Variants in EPHA6 observed in about 807,000 individuals in gnomAD.
EPHA6 encodes EPH receptor A6, also known as ephrin type-A receptor 6.
EPHA6 carries 50 observed loss-of-function variants against 112.0 expected under a neutral mutation model. That is an observed-to-expected ratio of 0.45 (90% CI 0.36 to 0.56). The LOEUF is 0.56. Among genes scored for constraint, EPHA6 ranks in the 20% least tolerant of loss-of-function variants. The pLI is 0.00. For synonymous variants in EPHA6, 529 were observed against 490.7 expected, an observed-to-expected ratio of 1.08 and a Z score of -1.03; for missense variants, 1,280 against 1,417.4, an observed-to-expected ratio of 0.90 and a Z score of 1.56.
In EPHA6 at chr3:96,942,558, G is replaced by A. The variant is rs192131570; in HGVS notation, c.451-44772G>A. On this transcript the variant is annotated intron_variant, in intron 2 of 17. Transcript: ENST00000389672. ...GAAAGGGAACTCCCTGACTCCTTGC[G>A]CTTCCCGAGTGAGGCAATGCCTTGC... Among the ~76,000 whole-genome samples the A allele has an allele frequency of 4.2e-3, 644 of 152,296 alleles. 3 individuals carry two copies. The highest frequency in any genetic ancestry group is 6.8e-3 in the Middle Eastern group (2 of 294).
chr3:96,945,506 C>A (rs62263701), intron 2 of EPHA6, among the ~76,000 whole-genome samples: 4,762 of 152,236 alleles, frequency 0.031, 107 homozygotes, highest in Middle Eastern at 0.065. Flanking sequence ...GTGTTACTAA[C>A]CCTACAAAAT....
At chr3:97,658,681 C>A (rs987843824) in intron 14 of EPHA6, among the ~76,000 whole-genome samples, 1 of 151,896 alleles carries the variant, frequency 6.6e-6, no homozygotes, top group African/African-American at 2.4e-5. Flanking sequence ...CCTAGAATAT[C>A]CCCCTTGTTC....
intron 3 of EPHA6, among the ~76,000 whole-genome samples, chr3:97,162,791 G>A (rs2076446632): frequency 6.6e-6 from 1 of 152,224 alleles, no homozygotes; most frequent in South Asian, 2.1e-4. Flanking sequence ...ATGACTCTCT[G>A]TTTATATGAT....
At chr3:97,561,813 T>C (rs2107165971) in intron 11 of EPHA6, among the ~76,000 whole-genome samples, 1 of 152,236 alleles carries the variant, frequency 6.6e-6, no homozygotes, top group East Asian at 1.9e-4. Flanking sequence ...AAGGACAAGC[T>C]GACTTTTCTG....
At chr3:97,711,139 A>T (rs1163652980) in intron 14 of EPHA6, among the ~76,000 whole-genome samples, 1 of 152,044 alleles carries the variant, frequency 6.6e-6, no homozygotes, top group Non-Finnish European at 1.5e-5. Context: ...TGTGATGGTG[A>T]ATTGGCTTCA....
chr3:96,931,463 T>C (rs912479152), intron 2 of EPHA6, among the ~76,000 whole-genome samples: 2 of 150,946 alleles, frequency 1.3e-5, no homozygotes, highest in African/African-American at 4.9e-5. Context: ...CAGAGCTCTG[T>C]CTGTAGAAAA....
intron 2 of EPHA6, among the ~76,000 whole-genome samples, chr3:96,954,734 G>C (rs62263704): frequency 0.035 from 4,672 of 132,944 alleles, 108 homozygotes; most frequent in Middle Eastern, 0.082. Context: ...ATACAAGTTT[G>C]TGAAAACAGG....
intron 5 of EPHA6, among the ~76,000 whole-genome samples, chr3:97,272,422 C>T (rs757726660): frequency 5.3e-5 from 8 of 152,050 alleles, no homozygotes; most frequent in Non-Finnish European, 1.2e-4. Context: ...ATTGTGTGAA[C>T]ATCATCATTT....
chr3:96,982,234 C>T (rs1576241661), intron 2 of EPHA6, among the ~76,000 whole-genome samples: 1 of 152,252 alleles, frequency 6.6e-6, no homozygotes, highest in Non-Finnish European at 1.5e-5. Flanking sequence ...GAATGTGTCC[C>T]AGAGATTCTG....
At chr3:97,226,565 C>G (rs2078362696) in intron 4 of EPHA6, 146 bp downstream of exon 4, 5 of 734,912 alleles carry the variant, frequency 6.8e-6, no homozygotes, top group Middle Eastern at 3.8e-4. Context: ...AAGCTTCTCT[C>G]TCTTCTCAGC....
At chr3:97,109,841 A>T (rs1375046423) in intron 3 of EPHA6, among the ~76,000 whole-genome samples, 1 of 152,168 alleles carries the variant, frequency 6.6e-6, no homozygotes, top group African/African-American at 2.4e-5. Flanking sequence ...CACTTATTCA[A>T]ATCACTAATG....
chr3:97,703,209 G>A (rs967345160), intron 14 of EPHA6, among the ~76,000 whole-genome samples: 14 of 152,124 alleles, frequency 9.2e-5, no homozygotes, highest in East Asian at 3.8e-4. Flanking sequence ...TGGGCCAAAC[G>A]GTTCTGGTTG....
intron 14 of EPHA6, among the ~76,000 whole-genome samples, chr3:97,700,632 A>G (rs2033325919): frequency 6.6e-6 from 1 of 152,320 alleles, no homozygotes; most frequent in South Asian, 2.1e-4. Context: ...CTAACAAAGA[A>G]CTATCTCTTT....
chr3:97,560,758 G>C (rs1328812656), intron 11 of EPHA6, among the ~76,000 whole-genome samples: 1 of 151,932 alleles, frequency 6.6e-6, no homozygotes, highest in Non-Finnish European at 1.5e-5. Context: ...CAAATACAGG[G>C]ATACTCATTT....
chr3:97,266,870 GT>G (rs761404827), intron 5 of EPHA6, among the ~76,000 whole-genome samples: 89 of 152,128 alleles, frequency 5.9e-4, no homozygotes, highest in Non-Finnish European at 9.9e-4. Flanking sequence ...TTTACTAGAA[GT>G]TTCCATGAGA....
chr3:97,174,877 C>G (rs772205783), intron 3 of EPHA6, among the ~76,000 whole-genome samples: 1 of 151,656 alleles, frequency 6.6e-6, no homozygotes, highest in African/African-American at 2.4e-5. Context: ...TGTATCTTTG[C>G]CGTGAAGAGC....
At chr3:97,539,278 G>C (rs189953848) in intron 11 of EPHA6, among the ~76,000 whole-genome samples, 2 of 151,644 alleles carry the variant, frequency 1.3e-5, no homozygotes, top group East Asian at 3.9e-4. Context: ...CTCCTGAGTA[G>C]CTGGGACTAC....
At chr3:97,267,358 T>A (rs1000108500) in intron 5 of EPHA6, among the ~76,000 whole-genome samples, 3 of 152,118 alleles carry the variant, frequency 2.0e-5, no homozygotes, top group Admixed American at 1.3e-4. Context: ...TAGAAAACTA[T>A]AATCCAATTT....
At chr3:97,548,896 G>A (rs562011599) in intron 11 of EPHA6, among the ~76,000 whole-genome samples, 26 of 152,252 alleles carry the variant, frequency 1.7e-4, no homozygotes, top group Non-Finnish European at 3.1e-4. Context: ...TTGCACATAC[G>A]AAGGTGAAGC....
Sources: allele counts gnomAD v4.1 joint callset (sites outside exome capture counted in the v4.1 genomes callset), GRCh38; gene constraint gnomAD v4.1.1; transcripts MANE v1.5; gene names NCBI Gene and HGNC (gene_info 2026-07-23, HGNC 2026-07-21).